DOCK1: variants seen among roughly 807,000 people sequenced by gnomAD.
The protein encoded by DOCK1 is dedicator of cytokinesis protein 1.
A neutral mutation model predicts 262.7 loss-of-function variants in DOCK1; 138 were observed. The ratio of observed to expected loss-of-function variants is 0.53; its 90% confidence interval spans 0.46 to 0.61. The LOEUF is 0.61. Ranked by LOEUF, DOCK1 falls within the 20% of genes least tolerant of loss-of-function variation. The pLI is 0.00. For missense variants in DOCK1, 1,908 were observed against 2,370.7 expected (o/e 0.80, Z 4.05); for synonymous variants, 866 against 867.4 (o/e 1.00, Z 0.03).
intron 16 of DOCK1, among the ~76,000 whole-genome samples, chr10:127,031,373 C>T (rs916217378): frequency 3.3e-5 from 5 of 152,114 alleles, no homozygotes; most frequent in African/African-American, 7.2e-5. Context: ...TCCTGGAATC[C>T]GTTTTCACGT....
intron 23 of DOCK1, among the ~76,000 whole-genome samples, chr10:127,083,122 A>G (rs2047002010): frequency 6.6e-6 from 1 of 152,214 alleles, no homozygotes. Flanking sequence ...TAGAGGAGGC[A>G]TGTTGGCAAA....
intron 27 of DOCK1, among the ~76,000 whole-genome samples, chr10:127,168,880 C>T (rs76797777): frequency 0.013 from 1,995 of 152,294 alleles, 12 homozygotes; most frequent in Middle Eastern, 0.02. Context: ...AAATAGTCCC[C>T]TTATGCTTCC....
At chr10:127,431,901 G>A (rs1245295171) in intron 47 of DOCK1, among the ~76,000 whole-genome samples, 28 of 152,166 alleles carry the variant, frequency 1.8e-4, no homozygotes, top group Non-Finnish European at 1.2e-4. Flanking sequence ...TAGGAACTGG[G>A]CCCACAGCTG....
chr10:127,088,499 T>C (rs2047329922), intron 23 of DOCK1, among the ~76,000 whole-genome samples: 2 of 152,232 alleles, frequency 1.3e-5, no homozygotes, highest in Admixed American at 1.3e-4. Context: ...CTCTTGCTTT[T>C]ATTGAAATTA....
At chr10:127,016,089 C>T in intron 12 of DOCK1, 1 of 152,218 alleles carries the variant, frequency 6.6e-6, no homozygotes, top group Non-Finnish European at 1.5e-5. Flanking sequence ...TTCGCAGTTG[C>T]ATATTTCTCT....
intron 1 of DOCK1, among the ~76,000 whole-genome samples, chr10:126,927,091 T>G (rs1423646366): frequency 6.6e-6 from 1 of 152,174 alleles, no homozygotes; most frequent in African/African-American, 2.4e-5. Context: ...TTGTCTTATC[T>G]CCAGTCATTG....
At chr10:127,137,722 G>T in intron 27 of DOCK1, 1 of 930,014 alleles carries the variant, frequency 1.1e-6, no homozygotes, top group Non-Finnish European at 1.6e-6. Context: ...GGCGAGAAGT[G>T]GGAGGTGCCT....
At chr10:127,236,879 GAA>G (rs1043833076) in intron 27 of DOCK1, among the ~76,000 whole-genome samples, 1 of 151,996 alleles carries the variant, frequency 6.6e-6, no homozygotes, top group Admixed American at 6.5e-5. Context: ...CCAGATTTTA[GAA>G]TCATGATCCG....
chr10:127,113,668 A>C (rs1038343459), intron 25 of DOCK1, among the ~76,000 whole-genome samples: 1 of 151,972 alleles, frequency 6.6e-6, no homozygotes, highest in Non-Finnish European at 1.5e-5. Flanking sequence ...GTGCATCCTG[A>C]GTTTGTTGGG....
chr10:127,035,178 A>G lies in DOCK1; in HGVS notation c.1913-2541A>G, dbSNP rs2043511191. On this transcript the variant is annotated intron_variant, in intron 18 of 51. Coordinates refer to ENST00000623213, the MANE Select transcript of DOCK1 (RefSeq NM_001290223.2). ...ATGGCGTCTAAGCATCAACTCCCAC[A>G]TTCTCATTTGAGGGAATCATTTTTC... is the stretch of plus-strand genomic sequence containing the variant. Among the ~76,000 whole-genome samples, 5 of 152,326 alleles carry G rather than the reference A, an allele frequency of 3.3e-5. No homozygotes were observed. In the South Asian group the frequency reaches 1.0e-3, roughly 32 times the overall value.
In DOCK1 at chr10:126,957,758, G is replaced by A. The variant is rs916211152; in HGVS notation, c.47-12944G>A. The stretch of plus-strand genomic sequence containing the variant: ...GCTTTCCAAAGTGCTGGTTTTACAG[G>A]TGTGAGCCACTGTGCCTGACTGCAG... On this transcript the variant is annotated intron_variant, in intron 1 of 51. Coordinates refer to ENST00000623213, the MANE Select transcript of DOCK1 (RefSeq NM_001290223.2). Among the ~76,000 whole-genome samples, 14 of 152,266 alleles carry A rather than the reference G, an allele frequency of 9.2e-5. 1 individual carries two copies. The South Asian group carries it at 2.9e-3, about 32-fold the overall frequency.
chr10:127,043,745 T>C (rs1158679406), intron 21 of DOCK1, among the ~76,000 whole-genome samples: 1 of 152,192 alleles, frequency 6.6e-6, no homozygotes, highest in African/African-American at 2.4e-5. Flanking sequence ...TGCCTGGTAT[T>C]GAAGAGCAGA....
In DOCK1 at chr10:126,997,838, A is replaced by G. The variant is rs11017032; in HGVS notation, c.610-254A>G. 2,911 of 472,338 alleles carry G rather than the reference A, an allele frequency of 6.2e-3. 80 individuals carry two copies. Among genetic ancestry groups the G allele is most frequent in the African/African-American group, 0.05 (2,587 of 52,068 alleles). 29.3% of individuals were successfully genotyped at this position (472,338 alleles called of 1,614,324 possible). A position where few individuals can be genotyped will look rare whatever the true frequency, so the allele number is the denominator to read the frequency against. Reference sequence around the variant, plus strand: ...ACATATATAATCATTATTTTGATTTATTGGATGGACACCTGAAAGTTTTGT... The same window carrying G: ...ACATATATAATCATTATTTTGATTTGTTGGATGGACACCTGAAAGTTTTGT... On this transcript the variant is annotated intron_variant, in intron 7 of 51. Coordinates refer to ENST00000623213, the MANE Select transcript of DOCK1 (RefSeq NM_001290223.2).
At chr10:127,236,270 T>C (rs2059047191) in intron 27 of DOCK1, among the ~76,000 whole-genome samples, 1 of 152,044 alleles carries the variant, frequency 6.6e-6, no homozygotes, top group East Asian at 1.9e-4. Context: ...CTATGATACA[T>C]TTTGAGTCAA....
chr10:127,011,436 G>A (rs2041434335), intron 11 of DOCK1, among the ~76,000 whole-genome samples: 1 of 152,200 alleles, frequency 6.6e-6, no homozygotes, highest in South Asian at 2.1e-4. Context: ...GTGATGGATA[G>A]CACTGTCCTT....
intron 40 of DOCK1, among the ~76,000 whole-genome samples, chr10:127,405,553 C>T (rs2067471665): frequency 6.6e-6 from 1 of 150,896 alleles, no homozygotes; most frequent in Non-Finnish European, 1.5e-5. Context: ...CCGTCTGGGG[C>T]AGTTGAAACC....
At chr10:127,108,352 C>T (rs966706228) in intron 24 of DOCK1, among the ~76,000 whole-genome samples, 2 of 151,976 alleles carry the variant, frequency 1.3e-5, no homozygotes, top group Non-Finnish European at 2.9e-5. Flanking sequence ...CTTTGGGAGG[C>T]CGAGGGGGAC....
intron 12 of DOCK1, among the ~76,000 whole-genome samples, chr10:127,016,893 C>T (rs1260460456): frequency 7.5e-6 from 1 of 132,994 alleles, no homozygotes; most frequent in Non-Finnish European, 1.6e-5. Flanking sequence ...CACACAGATG[C>T]AGACACCACA....
chr10:126,983,216 T>C (rs2039106337), intron 4 of DOCK1, among the ~76,000 whole-genome samples: 1 of 152,152 alleles, frequency 6.6e-6, no homozygotes, highest in South Asian at 2.1e-4. Flanking sequence ...TTCTCCACAC[T>C]GTTTTCCTGG....
Sources: allele counts gnomAD v4.1 joint callset (sites outside exome capture counted in the v4.1 genomes callset), GRCh38; gene constraint gnomAD v4.1.1; transcripts MANE v1.5; gene names NCBI Gene and HGNC (gene_info 2026-07-23, HGNC 2026-07-21).